The following MS4A8 variants were observed in gnomAD, a reference collection of about 807,000 sequenced individuals.
The protein encoded by MS4A8 is membrane spanning 4-domains A8, also known as membrane-spanning 4-domains subfamily A member 8.
In MS4A8, 27 loss-of-function variants were observed where a neutral mutation model predicts 23.7. The ratio of observed to expected loss-of-function variants is 1.14; its 90% CI spans 0.84 to 1.57. MS4A8 has a LOEUF of 1.57. MS4A8 is among the 40% of genes most tolerant of loss of function. The probability of loss-of-function intolerance (pLI) is 0.00; values close to 1 mark genes in which losing one functional copy is unlikely to be tolerated. For missense variants in MS4A8, 301 were observed against 311.4 expected (o/e 0.97, Z 0.25); for synonymous variants, 138 against 126.3 (o/e 1.09, Z -0.62).
In MS4A8 at chr11:60,715,334, T is replaced by C. The variant is rs146666911; in HGVS notation, c.673T>C (p.Tyr225His). 21 of 1,613,888 alleles carry C rather than the reference T, an allele frequency of 1.3e-5. No individual in the cohort carries two copies. Among genetic ancestry groups the C allele is most frequent in the Non-Finnish European group, 1.7e-5 (20 of 1,180,004 alleles). ...SNVSVIYPNIYAANPVITPEP... is the reference protein window; with the variant it reads ...SNVSVIYPNIHAANPVITPEP... ...GGTGAGTGTCATCTATCCAAACATC[T>C]ATGCAGCAAACCCAGTGATCACCCC... The change falls in exon 7 of 7, where the codon TAT becomes CAT. Residue 225 changes from tyrosine (Y) to histidine (H), a missense_variant. Tyr to His is a moderately conservative substitution (Grantham distance 83). Coordinates refer to ENST00000300226, the MANE Select transcript of MS4A8 (RefSeq NM_031457.2).
intron 5 of MS4A8, among the ~76,000 whole-genome samples, chr11:60,713,809 G>A (rs2088319145): frequency 6.6e-6 from 1 of 151,992 alleles, no homozygotes; most frequent in South Asian, 2.1e-4. Context: ...GAAAATACCT[G>A]GCTTTCCTAG....
At position 60,701,077 on chromosome 11, in the gene MS4A8, G is replaced by C. The variant is rs1287966512; in HGVS notation, c.217G>C (p.Gly73Arg). ...AGCTCTGAAAGAAGGCAAAACCTTGGGGGTAAGTGAGATTTCCCTTTGCAG... is the reference window on the plus strand; with the variant it reads ...AGCTCTGAAAGAAGGCAAAACCTTGCGGGTAAGTGAGATTTCCCTTTGCAG... ...QKALKEGKTLGAIQIIIGLAH... is the reference protein window; with the variant it reads ...QKALKEGKTLRAIQIIIGLAH... Residue 73 changes from glycine (G) to arginine (R), a missense_variant and splice_region_variant, in exon 2 of 7, where the codon GGG (glycine) becomes CGG (arginine). Physicochemically the swap from Gly to Arg is moderately radical, Grantham distance 125 (BLOSUM62 -2). Coordinates refer to ENST00000300226, the MANE Select transcript of MS4A8 (RefSeq NM_031457.2). The C allele has an allele frequency of 5.0e-6, 8 of 1,613,946 alleles. No individual in the cohort carries two copies. Among genetic ancestry groups the C allele is most frequent in the Admixed American group, 1.7e-5 (1 of 60,010 alleles).
At chr11:60,713,607 G>A (rs1214334867) in intron 5 of MS4A8, among the ~76,000 whole-genome samples, 2 of 152,160 alleles carry the variant, frequency 1.3e-5, no homozygotes, top group East Asian at 1.9e-4. Flanking sequence ...ACTTTACACC[G>A]AGACATTCCA....
chr11:60,703,486 T>A lies in MS4A8; in HGVS notation c.328T>A (p.Trp110Arg), dbSNP rs1455560107. 1.2e-6 allele frequency: 2 copies of A among 1,607,750 alleles called. No homozygotes were observed. Among genetic ancestry groups the A allele is most frequent in the Non-Finnish European group, 1.7e-6 (2 of 1,177,550 alleles). Residue 110 changes from tryptophan to arginine, a missense_variant, in exon 3 of 7, where the codon TGG becomes AGG. By Grantham distance (101) the Trp-to-Arg change is moderately radical. Transcript: ENST00000300226. ...SISFYGGFPF[W>R]GGLWFIISGS... ...TTCATTCTACGGAGGCTTTCCCTTC[T>A]GGGGAGGCTTGTGGGTGAGTAACTC...
At chr11:60,706,149 T>A (rs2088254321) in intron 3 of MS4A8, among the ~76,000 whole-genome samples, 1 of 152,186 alleles carries the variant, frequency 6.6e-6, no homozygotes, top group Non-Finnish European at 1.5e-5. Context: ...AATGGGTGAA[T>A]TATATGATAC....
At position 60,715,480 on chromosome 11, in the gene MS4A8, C is replaced by A; in HGVS notation, c.*66C>A. On this transcript the variant is annotated 3_prime_UTR_variant, in exon 7 of 7. Coordinates refer to ENST00000300226, the MANE Select transcript of MS4A8 (RefSeq NM_031457.2). ...AAGTCCTCCTCCCTTTCTGGGCTTCCATAACCCAGGTCGTTCCTGTTCTGA... is the reference window on the plus strand; with the variant it reads ...AAGTCCTCCTCCCTTTCTGGGCTTCAATAACCCAGGTCGTTCCTGTTCTGA... 7.7e-7 allele frequency: 1 copy of A among 1,306,334 alleles called. No individual in the cohort carries two copies. The highest frequency in any genetic ancestry group is 1.1e-6 in the Non-Finnish European group (1 of 917,222). The allele number at this position is 1,306,334 out of a possible 1,614,324, so 80.9% of individuals were successfully genotyped here.
At chr11:60,700,297 G>T (rs2088190740) in intron 1 of MS4A8, among the ~76,000 whole-genome samples, 1 of 152,206 alleles carries the variant, frequency 6.6e-6, no homozygotes, top group Non-Finnish European at 1.5e-5. Context: ...TGTAATCCCA[G>T]CACTTTGGGA....
At chr11:60,709,094 A>G (rs79860503) in intron 5 of MS4A8, 7,687 of 341,756 alleles carry the variant, frequency 0.022, 534 homozygotes, top group African/African-American at 0.15. Context: ...CTTCTTGCCC[A>G]TTACTATAAG....
chr11:60,706,016 G>A (rs2088252784), intron 3 of MS4A8, among the ~76,000 whole-genome samples: 1 of 152,150 alleles, frequency 6.6e-6, no homozygotes, highest in Non-Finnish European at 1.5e-5. Context: ...GGGGGAGGGC[G>A]GTGATGGGTT....
At chr11:60,707,834 T>TTTTTTTTTTG (rs2088269875) in intron 4 of MS4A8, among the ~76,000 whole-genome samples, 2 of 101,942 alleles carry the variant, frequency 2.0e-5, no homozygotes, top group African/African-American at 3.6e-5. Flanking sequence ...TTTTTTTTTT[T>TTTTTTTTTTG]TGTGTGTGTG....
At chr11:60,714,935 A>T in intron 5 of MS4A8, 86 bp from the exon 6 acceptor site, 1 of 942,014 alleles carries the variant, frequency 1.1e-6, no homozygotes, top group Admixed American at 1.7e-5. Flanking sequence ...GCAAAGCCAC[A>T]AAGAGTCCAT....
At position 60,702,278 on chromosome 11, in the gene MS4A8, A is replaced by G. The variant is rs1565050852; in HGVS notation, c.220-1100A>G. Among the ~76,000 whole-genome samples the G allele has an allele frequency of 2.0e-5, 3 of 152,270 alleles. No homozygotes were observed. The South Asian group carries it at 6.2e-4, about 32-fold the overall frequency. ...TCATCTAACACAAAGCCTATTTAAT[A>G]GTGTTCTTGAATATCTAATGTAGTT... On this transcript the variant is annotated intron_variant, in intron 2 of 6. Transcript: ENST00000300226.
Position 60,715,353 on chromosome 11 carries a change from TC to T in MS4A8, c.693del (p.Thr232ProfsTer5), listed in dbSNP as rs747220490. The part of the protein sequence containing the change: ...YPNIYAANPV[I>X]TPEPVTSPPS... ...AACATCTATGCAGCAAACCCAGTGA[TC>T]ACCCCAGAACCGGTGACCTCACCAC... On this transcript the variant is annotated frameshift_variant, in exon 7 of 7. Coordinates refer to ENST00000300226, the MANE Select transcript of MS4A8 (RefSeq NM_031457.2). LOFTEE classifies it low-confidence loss of function (END_TRUNC). The T allele has an allele frequency of 1.2e-6, 2 of 1,614,012 alleles. No individual in the cohort carries two copies. Among genetic ancestry groups the T allele is most frequent in the Non-Finnish European group, 1.7e-6 (2 of 1,180,008 alleles).
chr11:60,703,559 C>T, intron 3 of MS4A8, 59 bp downstream of exon 3: 1 of 1,583,924 alleles, frequency 6.3e-7, no homozygotes, highest in African/African-American at 1.4e-5. Flanking sequence ...GCACTCAAGG[C>T]CACCTTGCCA....
At chr11:60,712,430 G>C in intron 5 of MS4A8, 1 of 985,382 alleles carries the variant, frequency 1.0e-6, no homozygotes, top group South Asian at 4.7e-5. Context: ...GGGCTAAGGA[G>C]AGGCCTCTCC....
chr11:60,715,010 T>G lies in MS4A8; in HGVS notation c.535-11T>G, dbSNP rs751153372. On this transcript the variant is annotated splice_polypyrimidine_tract_variant and intron_variant, in intron 5 of 6. Transcript: ENST00000300226. ...CCGTGCTCCTGTCCTCCCCATCTGC[T>G]CTGCCTACAGAACCCTGGAATGGCG... 1.9e-6 allele frequency: 3 copies of G among 1,607,516 alleles called. No individual in the cohort carries two copies. Among genetic ancestry groups the G allele is most frequent in the Non-Finnish European group, 2.6e-6 (3 of 1,174,040 alleles).
chr11:60,709,496 T>G (rs969084019), intron 5 of MS4A8, among the ~76,000 whole-genome samples: 1 of 152,256 alleles, frequency 6.6e-6, no homozygotes, highest in African/African-American at 2.4e-5. Flanking sequence ...GTATAAAAAC[T>G]TGGTTTGCTA....
At chr11:60,712,854 A>G (rs543252386) in intron 5 of MS4A8, among the ~76,000 whole-genome samples, 1 of 152,178 alleles carries the variant, frequency 6.6e-6, no homozygotes, top group East Asian at 1.9e-4. Context: ...ACTGCATGCC[A>G]TCCACCTTCA....
chr11:60,707,812 C>CTTTTTTTTTT (rs5792195), intron 4 of MS4A8, among the ~76,000 whole-genome samples: 60 of 55,138 alleles, frequency 1.1e-3, no homozygotes, highest in East Asian at 2.5e-3. Flanking sequence ...TTTTCTTTTT[C>CTTTTTTTTTT]TTTTTTTTTT....
Sources: allele counts gnomAD v4.1 joint callset (sites outside exome capture counted in the v4.1 genomes callset), GRCh38; gene constraint gnomAD v4.1.1; transcripts MANE v1.5; gene names NCBI Gene and HGNC (gene_info 2026-07-23, HGNC 2026-07-21).